The following SLC25A28 variants were observed in gnomAD, a reference collection of about 807,000 sequenced individuals.
SLC25A28 encodes mitoferrin-2.
In SLC25A28, 10 loss-of-function variants were observed where a neutral mutation model predicts 31.9. The ratio of observed to expected loss-of-function variants is 0.31; its 90% confidence interval spans 0.19 to 0.53. SLC25A28 has a LOEUF of 0.53. Among genes scored for constraint, SLC25A28 ranks in the 20% least tolerant of loss-of-function variants. The pLI is 0.95. For synonymous variants in SLC25A28, 208 were observed against 203.6 expected, an observed-to-expected ratio of 1.02 and a Z score of -0.19; for missense variants, 256 against 490.3, an observed-to-expected ratio of 0.52 and a Z score of 4.51.
chr10:99,633,172 C>A, the SLC25A28 span, among the ~76,000 whole-genome samples: 1 of 152,112 alleles, frequency 6.6e-6, no homozygotes, highest in African/African-American at 2.4e-5. Flanking sequence ...ACCCCATAAG[C>A]CTTGAATCCC....
chr10:99,645,696 C>T, the SLC25A28 span, among the ~76,000 whole-genome samples: 2 of 152,300 alleles, frequency 1.3e-5, no homozygotes, highest in African/African-American at 4.8e-5. Flanking sequence ...GTGGTTTTAT[C>T]GACCTTTGGT....
At chr10:99,629,426 A>G in the SLC25A28 span, among the ~76,000 whole-genome samples, 1 of 152,206 alleles carries the variant, frequency 6.6e-6, no homozygotes, top group African/African-American at 2.4e-5. Context: ...CACAAGACTA[A>G]GACAATTTCC....
intron 1 of SLC25A28, chr10:99,616,509 A>T: frequency 1.0e-6 from 1 of 984,984 alleles, no homozygotes; most frequent in Non-Finnish European, 1.2e-6. Flanking sequence ...TGCCTCCTGT[A>T]TAAGTCATTT....
the SLC25A28 span, among the ~76,000 whole-genome samples, chr10:99,636,980 G>A: frequency 6.6e-6 from 1 of 151,992 alleles, no homozygotes; most frequent in Non-Finnish European, 1.5e-5. Flanking sequence ...AGGAAAGGAT[G>A]TAACCAAAAA....
In SLC25A28 at chr10:99,613,760, G is replaced by A. The variant is rs534198117; in HGVS notation, c.456C>T (p.Tyr152=). 4.3e-6 allele frequency: 7 copies of A among 1,614,144 alleles called. No homozygotes were observed. The highest frequency in any genetic ancestry group is 2.2e-5 in the South Asian group (2 of 91,086). Residue 152 remains tyrosine, a synonymous_variant, in exon 2 of 4, where the codon TAC becomes TAT. Transcript: ENST00000370495. The surrounding 1 kb of genome is among the most constrained non-coding windows in gnomAD (Gnocchi z 4.9). ...CACTCAATGTCTTTTTTAACTTTTC[G>A]TAGCAGGCAAAATAAAGGGCGTGGG... is the stretch of plus-strand genomic sequence containing the variant. ...GPAHALYFAC[Y]EKLKKTLSDV...
chr10:99,622,691 T>TA (rs2034819142), upstream of SLC25A28: 1 of 985,500 alleles, frequency 1.0e-6, no homozygotes, highest in Non-Finnish European at 1.2e-6. Flanking sequence ...CTCAGTCGCT[T>TA]ACACTTCTCT....
the SLC25A28 span, among the ~76,000 whole-genome samples, chr10:99,633,198 C>T: frequency 3.3e-5 from 5 of 152,176 alleles, no homozygotes; most frequent in Non-Finnish European, 7.4e-5. Flanking sequence ...TATCTGTGTG[C>T]GTGATTTTCC....
the SLC25A28 span, among the ~76,000 whole-genome samples, chr10:99,638,907 T>C: frequency 6.6e-6 from 1 of 152,134 alleles, no homozygotes; most frequent in East Asian, 1.9e-4. Context: ...AAAGTAGAAC[T>C]ACCCCTTGAT....
the SLC25A28 span, among the ~76,000 whole-genome samples, chr10:99,648,941 C>T: frequency 1.3e-5 from 2 of 152,022 alleles, no homozygotes; most frequent in Admixed American, 1.3e-4. Context: ...AATTTGGATG[C>T]CTTTTATTTT....
chr10:99,654,605 G>A, the SLC25A28 span, among the ~76,000 whole-genome samples: 1 of 151,996 alleles, frequency 6.6e-6, no homozygotes, highest in Admixed American at 6.6e-5. Context: ...GCAGTCAGCC[G>A]AGATTGCACC....
chr10:99,658,039 A>G, the SLC25A28 span, among the ~76,000 whole-genome samples: 1 of 152,086 alleles, frequency 6.6e-6, no homozygotes, highest in Non-Finnish European at 1.5e-5. Flanking sequence ...TTAAAAAAAA[A>G]TAAGCTGGGC....
rs1034341097 is a variant in SLC25A28 at position 99,617,673 on chromosome 10, A to G, written c.291+2372T>C. Reference sequence around the variant, plus strand: ...CTGGCCTCACCTAGTTCTTCCCTCTAAGTCATTTAAATCCCAGCATTAAGT... The same window carrying G: ...CTGGCCTCACCTAGTTCTTCCCTCTGAGTCATTTAAATCCCAGCATTAAGT... On this transcript the variant is annotated intron_variant, in intron 1 of 3. Transcript: ENST00000370495. The G allele has an allele frequency of 4.1e-6, 4 of 985,338 alleles. No homozygotes were observed. In the African/African-American group the frequency reaches 7.0e-5, roughly 17 times the overall value. 61.0% of individuals were successfully genotyped at this position (985,338 alleles called of 1,614,324 possible).
upstream of SLC25A28, among the ~76,000 whole-genome samples, chr10:99,625,165 G>GC (rs1554962276): frequency 5.3e-5 from 8 of 151,016 alleles, no homozygotes; most frequent in Non-Finnish European, 7.4e-5. Flanking sequence ...GGGTGTTATA[G>GC]CTCATAAAGA....
chr10:99,632,967 G>T, the SLC25A28 span, among the ~76,000 whole-genome samples: 1 of 152,068 alleles, frequency 6.6e-6, no homozygotes, highest in Non-Finnish European at 1.5e-5. Flanking sequence ...TATCATCTTT[G>T]ACATACAAAA....
At position 99,612,619 on chromosome 10, in the gene SLC25A28, T is replaced by C. The variant is rs753333349; in HGVS notation, c.521-20A>G. 2.5e-6 allele frequency: 4 copies of C among 1,614,104 alleles called. No individual in the cohort carries two copies. In the Admixed American group the frequency reaches 6.7e-5, roughly 27 times the overall value. On this transcript the variant is annotated intron_variant, in intron 2 of 3. Transcript: ENST00000370495. ...CCGCACCTGCAAACAAGAAAACAAC[T>C]GCCACATGTAAGGCCAAGAGAGCTG...
intron 1 of SLC25A28, chr10:99,615,820 T>C: frequency 1.0e-6 from 1 of 985,424 alleles, no homozygotes; most frequent in Non-Finnish European, 1.2e-6. Context: ...ACTGATCTTG[T>C]ATAAGGGGAA....
At chr10:99,634,019 T>C in the SLC25A28 span, among the ~76,000 whole-genome samples, 1 of 152,170 alleles carries the variant, frequency 6.6e-6, no homozygotes, top group Non-Finnish European at 1.5e-5. Context: ...TGGGTAGACT[T>C]GCTGGGCAGC....
intron 3 of SLC25A28, 94 bp downstream of exon 3, chr10:99,612,449 G>C: frequency 6.9e-7 from 1 of 1,439,344 alleles, no homozygotes; most frequent in Non-Finnish European, 9.6e-7. Context: ...CAAGGTAACA[G>C]AATTTCCCAC....
the SLC25A28 span, among the ~76,000 whole-genome samples, chr10:99,636,916 G>C: frequency 1.3e-5 from 2 of 152,112 alleles, no homozygotes; most frequent in Non-Finnish European, 2.9e-5. Context: ...TAGAGAAAGA[G>C]AGAACCCTCC....
Sources: gnomAD v4.1 joint callset for allele counts (sites outside exome capture counted in the v4.1 genomes callset) on GRCh38, gnomAD v4.1.1 for gene constraint, Gnocchi (gnomAD v3.1) non-coding constraint, MANE v1.5 for transcripts, NCBI Gene and HGNC (gene_info 2026-07-23, HGNC 2026-07-21) for gene names.